The following SLC9A5 variants were observed in gnomAD, a reference collection of about 807,000 sequenced individuals.
SLC9A5 encodes solute carrier family 9 member A5.
Under a neutral mutation model 91.7 loss-of-function variants are expected in SLC9A5, and 52 were observed. The ratio of observed to expected loss-of-function variants is 0.57; its 90% confidence interval spans 0.45 to 0.71. SLC9A5 has a LOEUF of 0.71. Among genes scored for constraint, SLC9A5 ranks in the 30% least tolerant of loss-of-function variants. SLC9A5 has a pLI of 0.00. For missense variants in SLC9A5, 871 were observed against 1,158.9 expected, an observed-to-expected ratio of 0.75 and a Z score of 3.61; for synonymous variants, 419 against 474.5, an observed-to-expected ratio of 0.88 and a Z score of 1.52.
chr16:67,256,345 C>A lies in SLC9A5; in HGVS notation c.912-124C>A. ...ATTCAAGTCTTCAGGCCTCCCTGGG[C>A]TTCAGCTCTGAGAGTCTGACATCCT... On this transcript the variant is annotated intron_variant, in intron 5 of 15. Coordinates refer to ENST00000299798, the MANE Select transcript of SLC9A5 (RefSeq NM_004594.3). This position sits in a 1 kb window ranked among gnomAD's most constrained non-coding sequence, Gnocchi z 4.1. The A allele has an allele frequency of 1.4e-6, 1 of 696,392 alleles. No individual in the cohort carries two copies. The highest frequency in any genetic ancestry group is 2.5e-6 in the Non-Finnish European group (1 of 398,286). The allele number at this position is 696,392 out of a possible 1,614,324, so 43.1% of individuals were successfully genotyped here.
chr16:67,254,989 G>C, intron 2 of SLC9A5, 32 bp from the exon 3 acceptor site: 2 of 1,591,786 alleles, frequency 1.3e-6, no homozygotes, highest in Non-Finnish European at 1.7e-6. Flanking sequence ...CGTCTTCAAT[G>C]ACTGGCCTGT....
chr16:67,265,956 C>T, intron 14 of SLC9A5, 132 bp from the exon 15 acceptor site: 16 of 1,205,538 alleles, frequency 1.3e-5, no homozygotes, highest in Non-Finnish European at 1.8e-5. Context: ...CTTGAAACAG[C>T]CAGAGGAGAA....
chr16:67,255,628 C>T lies in SLC9A5; in HGVS notation c.734-125C>T. On this transcript the variant is annotated intron_variant, in intron 4 of 15. Coordinates refer to ENST00000299798, the MANE Select transcript of SLC9A5 (RefSeq NM_004594.3). This position sits in a 1 kb window ranked among gnomAD's most constrained non-coding sequence, Gnocchi z 4.9. ...GGGAGGGGCTTGCCAGGGATCCTGGCTCTGGGGTTTTGAGCCCCTGGGAGT... is the reference window on the plus strand; with the variant it reads ...GGGAGGGGCTTGCCAGGGATCCTGGTTCTGGGGTTTTGAGCCCCTGGGAGT... 1 of 1,327,048 alleles carries T rather than the reference C, an allele frequency of 7.5e-7. No homozygotes were observed. Among genetic ancestry groups the T allele is most frequent in the South Asian group, 1.2e-5 (1 of 80,172 alleles). 82.2% of individuals were successfully genotyped at this position (1,327,048 alleles called of 1,614,324 possible).
At chr16:67,264,567 A>G in intron 13 of SLC9A5, 45 bp downstream of exon 13, 1 of 1,604,810 alleles carries the variant, frequency 6.2e-7, no homozygotes, top group Non-Finnish European at 8.5e-7. Context: ...GGAGGCTGAC[A>G]GCAAGCAGTT....
intron 14 of SLC9A5, among the ~76,000 whole-genome samples, chr16:67,265,496 G>T (rs1263157220): frequency 6.6e-6 from 1 of 152,190 alleles, no homozygotes; most frequent in African/African-American, 2.4e-5. Context: ...TCGGCTCACT[G>T]CAACCTCTGC....
chr16:67,264,629 G>C (rs1385377962), intron 13 of SLC9A5, 107 bp downstream of exon 13: 2 of 1,105,538 alleles, frequency 1.8e-6, no homozygotes, highest in Non-Finnish European at 2.7e-6. Flanking sequence ...AGTTGGGACA[G>C]TCCTCAGGGG....
Position 67,259,881 on chromosome 16 carries a change from C to G in SLC9A5, c.1777C>G (p.Arg593Gly). ...LQVIDTVRSG[R>G]DREDAVMHHL... ...GGTGATTGACACAGTACGCAGCGGC[C>G]GGGATCGTGAGGATGCTGTGATGCA... is the stretch of plus-strand genomic sequence containing the variant. The change falls in exon 12 of 16, where the codon CGG becomes GGG. Residue 593 changes from arginine (R) to glycine (G), a missense_variant. Around this residue, in one of 3 missense-constraint regions of SLC9A5, gnomAD observed 454 missense variants for 718.3 expected, o/e 0.63. Transcript: ENST00000299798. The G allele has an allele frequency of 6.2e-7, 1 of 1,614,052 alleles. No homozygotes were observed. Among genetic ancestry groups the G allele is most frequent in the Non-Finnish European group, 8.5e-7 (1 of 1,180,016 alleles).
chr16:67,252,731 G>C lies in SLC9A5; in HGVS notation c.377G>C (p.Arg126Thr). 1 of 1,614,190 alleles carries C rather than the reference G, an allele frequency of 6.2e-7. No individual in the cohort carries two copies. Among genetic ancestry groups the C allele is most frequent in the Non-Finnish European group, 8.5e-7 (1 of 1,180,032 alleles). ...VLDSGYFMPS[R>T]LFFDNLGAIL... ...GACTCAGGCTATTTCATGCCTAGCA[G>C]GCTGTTCTTTGACAACTTGGGTGCC... Residue 126 changes from arginine to threonine, a missense_variant, in exon 2 of 16, where the codon AGG (arginine) becomes ACG (threonine). Around this residue, in one of 3 missense-constraint regions of SLC9A5, gnomAD observed 454 missense variants for 718.3 expected, o/e 0.63. Coordinates refer to ENST00000299798, the MANE Select transcript of SLC9A5 (RefSeq NM_004594.3). The surrounding 1 kb of genome is among the most constrained non-coding windows in gnomAD (Gnocchi z 4.0).
At chr16:67,265,172 C>G in intron 14 of SLC9A5, 66 bp downstream of exon 14, 1 of 1,532,170 alleles carries the variant, frequency 6.5e-7, no homozygotes, top group Non-Finnish European at 9.0e-7. Flanking sequence ...GCTTGCCAGC[C>G]AGAATCCTGG....
chr16:67,261,254 G>A (rs748101862), intron 12 of SLC9A5: 4 of 152,166 alleles, frequency 2.6e-5, no homozygotes, highest in African/African-American at 9.7e-5. Context: ...CACCACCCTG[G>A]GGCCCCACAT....
Position 67,271,227 on chromosome 16 carries a change from G to A in SLC9A5, c.*17G>A, listed in dbSNP as rs1198024458. The A allele has an allele frequency of 3.8e-6, 6 of 1,596,572 alleles. No individual in the cohort carries two copies. Among genetic ancestry groups the A allele is most frequent in the African/African-American group, 1.3e-5 (1 of 74,574 alleles). On this transcript the variant is annotated 3_prime_UTR_variant, in exon 16 of 16. Transcript: ENST00000299798. Reference sequence around the variant, plus strand: ...CGGCTGTAGCTCAAGGCCTCGGGGAGGAGCAGGAGGTGGAATCCCTGTGGG... The same window carrying A: ...CGGCTGTAGCTCAAGGCCTCGGGGAAGAGCAGGAGGTGGAATCCCTGTGGG...
intron 14 of SLC9A5, 148 bp from the exon 15 acceptor site, chr16:67,265,940 C>A (rs1696138675): frequency 3.0e-6 from 3 of 1,014,576 alleles, no homozygotes; most frequent in South Asian, 3.6e-5. Context: ...ACCTCTTAGG[C>A]CAGTGCTTGA....
In SLC9A5 at chr16:67,259,633, G is replaced by A. The variant is rs556818212; in HGVS notation, c.1687G>A (p.Val563Met). 2 of 1,614,154 alleles carry A rather than the reference G, an allele frequency of 1.2e-6. No individual in the cohort carries two copies. Among genetic ancestry groups the A allele is most frequent in the Admixed American group, 1.7e-5 (1 of 60,012 alleles). Residue 563 changes from valine (V) to methionine (M), a missense_variant, in exon 11 of 16, where the codon GTG becomes ATG. Coordinates refer to ENST00000299798, the MANE Select transcript of SLC9A5 (RefSeq NM_004594.3). ...TLPSMPSRNS[V>M]AETSVTNLLR... is the part of the protein sequence containing the mutation. ...GCCTTCTATGCCCAGCCGCAATTCTGTGGCAGAAACTTCTGTCACCAACCT... is the reference window on the plus strand; with the variant it reads ...GCCTTCTATGCCCAGCCGCAATTCTATGGCAGAAACTTCTGTCACCAACCT...
At chr16:67,260,590 G>A (rs2035500711) in intron 12 of SLC9A5, among the ~76,000 whole-genome samples, 1 of 152,118 alleles carries the variant, frequency 6.6e-6, no homozygotes, top group South Asian at 2.1e-4. Context: ...TGGGAAAGAA[G>A]AGGGGCACGT....
intron 14 of SLC9A5, among the ~76,000 whole-genome samples, chr16:67,265,831 G>A (rs894981020): frequency 6.6e-6 from 1 of 152,230 alleles, no homozygotes. Flanking sequence ...GGATGGGGGA[G>A]CTGGAAAGTG....
At position 67,256,182 on chromosome 16, in the gene SLC9A5, G is replaced by A. The variant is rs1163188397; in HGVS notation, c.911+252G>A. ...CTGGAAGTAGACTTTAAGGCCTGGG[G>A]CCACCAGCTCTGGAGGCCGCAGCAC... is the stretch of plus-strand genomic sequence containing the variant. On this transcript the variant is annotated intron_variant, in intron 5 of 15. Coordinates refer to ENST00000299798, the MANE Select transcript of SLC9A5 (RefSeq NM_004594.3). This position sits in a 1 kb window ranked among gnomAD's most constrained non-coding sequence, Gnocchi z 4.1. Among the ~76,000 whole-genome samples the A allele has an allele frequency of 6.6e-6, 1 of 152,150 alleles. No individual in the cohort carries two copies. Among genetic ancestry groups the A allele is most frequent in the Non-Finnish European group, 1.5e-5 (1 of 68,020 alleles).
chr16:67,260,354 C>CAAAAAAAAAAAA lies in SLC9A5; in HGVS notation c.1842+420_1842+431dup, dbSNP rs397932908. On this transcript the variant is annotated intron_variant, in intron 12 of 15. Transcript: ENST00000299798. ...TGGGTAACAGAGCAAGACTCCATCT[C>CAAAAAAAAAAAA]AAAAAAAAAAAAAAAAAAAAAAAGA... Among the ~76,000 whole-genome samples, 24 of 33,444 alleles carry CAAAAAAAAAAAA rather than the reference C, an allele frequency of 7.2e-4. 1 individual carries two copies. Among genetic ancestry groups the CAAAAAAAAAAAA allele is most frequent in the African/African-American group, 3.9e-3 (20 of 5,168 alleles). 21.9% of individuals were successfully genotyped at this position (33,444 alleles called of 152,430 possible).
chr16:67,266,633 C>T (rs1412434151), intron 15 of SLC9A5, among the ~76,000 whole-genome samples: 4 of 151,930 alleles, frequency 2.6e-5, no homozygotes, highest in Non-Finnish European at 4.4e-5. Flanking sequence ...CTCTGGCTCC[C>T]GGGTTCAAGC....
At position 67,270,668 on chromosome 16, in the gene SLC9A5, A is replaced by G; in HGVS notation, c.2219-70A>G. The G allele has an allele frequency of 8.9e-7, 1 of 1,120,330 alleles. No individual in the cohort carries two copies. Among genetic ancestry groups the G allele is most frequent in the East Asian group, 2.6e-5 (1 of 38,390 alleles). The allele number at this position is 1,120,330 out of a possible 1,614,324, so 69.4% of individuals were successfully genotyped here. A position where few individuals can be genotyped will look rare whatever the true frequency, so the allele number is the denominator to read the frequency against. ...CATATGGAAACTGTGGCATGAATTT[A>G]TAAGAATGTGCTTATACTTGAGATT... On this transcript the variant is annotated intron_variant, in intron 15 of 15. Coordinates refer to ENST00000299798, the MANE Select transcript of SLC9A5 (RefSeq NM_004594.3). This position sits in a 1 kb window ranked among gnomAD's most constrained non-coding sequence, Gnocchi z 4.3.
Sources: allele counts gnomAD v4.1 joint callset (sites outside exome capture counted in the v4.1 genomes callset), GRCh38; gene constraint gnomAD v4.1.1; regional missense constraint gnomAD v4.1.1; non-coding constraint Gnocchi (gnomAD v3.1); transcripts MANE v1.5; gene names NCBI Gene and HGNC (gene_info 2026-07-23, HGNC 2026-07-21).